The following RNF150 variants were observed in gnomAD, a reference collection of about 807,000 sequenced individuals.
The protein encoded by RNF150 is ring finger protein 150.
In RNF150, 24 loss-of-function variants were observed where a neutral mutation model predicts 39.3. That is an observed-to-expected ratio of 0.61 (90% CI 0.44 to 0.86). The LOEUF (loss-of-function observed/expected upper bound fraction) is 0.86. Among genes scored for constraint, RNF150 ranks in the 40% least tolerant of loss-of-function variants. The pLI is 0.00. For missense variants in RNF150, 502 were observed against 587.8 expected, an observed-to-expected ratio of 0.85 and a Z score of 1.51; for synonymous variants, 255 against 227.3, an observed-to-expected ratio of 1.12 and a Z score of -1.10.
rs114889527 is a variant in RNF150, at chr4:141,143,180, T to C, written c.-6+69614A>G. 2.4e-3 allele frequency among the ~76,000 whole-genome samples: 373 copies of C among 152,290 alleles called. 1 individual carries two copies. The highest frequency in any genetic ancestry group is 7.7e-3 in the African/African-American group (321 of 41,560). On this transcript the variant is annotated intron_variant, in intron 1 of 7. Coordinates refer to the RNF150 transcript ENST00000420921. ...CCACCGCGCCTGGTCAGGTATCTCATCTTTAAACTGATGATTCTTGAATTT... is the reference window on the plus strand; with the variant it reads ...CCACCGCGCCTGGTCAGGTATCTCACCTTTAAACTGATGATTCTTGAATTT...
At chr4:141,149,032 C>T (rs1441469555) in intron 1 of RNF150, among the ~76,000 whole-genome samples, 1 of 152,136 alleles carries the variant, frequency 6.6e-6, no homozygotes, top group Non-Finnish European at 1.5e-5. Context: ...TAACTTGAAG[C>T]TCACAGTGTG....
intron 1 of RNF150, among the ~76,000 whole-genome samples, chr4:141,056,723 C>T (rs191007304): frequency 2.0e-5 from 3 of 151,536 alleles, no homozygotes; most frequent in Non-Finnish European, 3.0e-5. Context: ...GAGGGAAAAA[C>T]GCCTCTTGTT....
At chr4:140,897,749 A>AT (rs1730016305) in intron 6 of RNF150, among the ~76,000 whole-genome samples, 1 of 151,994 alleles carries the variant, frequency 6.6e-6, no homozygotes, top group Non-Finnish European at 1.5e-5. Context: ...ATACAGTAAC[A>AT]TTTTTTTTGA....
chr4:141,203,891 G>C lies in RNF150; in HGVS notation c.-6+8903C>G, dbSNP rs80130528. Among the ~76,000 whole-genome samples the C allele has an allele frequency of 3.8e-3, 579 of 152,004 alleles. 7 individuals carry two copies. Among genetic ancestry groups the C allele is most frequent in the African/African-American group, 0.014 (562 of 41,422 alleles). ...GAAGAAAAAAAAAAGTTCTTCTCTAGACCTTCCCAGAGGGGTAATGTTTCT... is the reference window on the plus strand; with the variant it reads ...GAAGAAAAAAAAAAGTTCTTCTCTACACCTTCCCAGAGGGGTAATGTTTCT... On this transcript the variant is annotated intron_variant, in intron 1 of 7. Transcript: ENST00000420921.
chr4:140,896,954 C>G (rs1435311367), intron 6 of RNF150, among the ~76,000 whole-genome samples: 1 of 152,118 alleles, frequency 6.6e-6, no homozygotes, highest in Non-Finnish European at 1.5e-5. Context: ...AAACCTCCAT[C>G]AAGATCACAA....
chr4:141,173,647 C>T (rs182098639), intron 1 of RNF150, among the ~76,000 whole-genome samples: 139 of 152,258 alleles, frequency 9.1e-4, no homozygotes, highest in African/African-American at 3.2e-3. Flanking sequence ...TAGCTCATGG[C>T]CCCAGGAGAA....
At chr4:141,211,126 A>G (rs1728457654) in intron 1 of RNF150, among the ~76,000 whole-genome samples, 1 of 152,188 alleles carries the variant, frequency 6.6e-6, no homozygotes, top group Non-Finnish European at 1.5e-5. Context: ...TCCATCATTA[A>G]TTAGGTTTTC....
At chr4:141,052,760 C>T (rs1736825855) in intron 1 of RNF150, among the ~76,000 whole-genome samples, 1 of 152,114 alleles carries the variant, frequency 6.6e-6, no homozygotes, top group Admixed American at 6.6e-5. Context: ...AGTGCATTTC[C>T]CCTCTAAAAG....
intron 1 of RNF150, among the ~76,000 whole-genome samples, chr4:141,117,389 C>G (rs919062668): frequency 2.0e-5 from 3 of 152,052 alleles, no homozygotes; most frequent in Non-Finnish European, 4.4e-5. Flanking sequence ...TATGTTTAGA[C>G]ATGTTTATAT....
chr4:141,039,699 T>C (rs1736285911), intron 1 of RNF150, among the ~76,000 whole-genome samples: 1 of 152,128 alleles, frequency 6.6e-6, no homozygotes, highest in Non-Finnish European at 1.5e-5. Flanking sequence ...CTAGCTTAGC[T>C]AACTCTCAGC....
At chr4:141,085,932 T>C (rs1738345414) in intron 1 of RNF150, among the ~76,000 whole-genome samples, 1 of 151,558 alleles carries the variant, frequency 6.6e-6, no homozygotes, top group African/African-American at 2.4e-5. Flanking sequence ...TGGGAGGAGA[T>C]GAAAGAGAAG....
intron 1 of RNF150, among the ~76,000 whole-genome samples, chr4:141,013,805 C>A (rs1432603862): frequency 6.6e-6 from 1 of 152,116 alleles, no homozygotes; most frequent in Admixed American, 6.6e-5. Flanking sequence ...TTGAACATAT[C>A]CATTAACTTG....
chr4:141,027,579 T>G (rs995225083), intron 1 of RNF150, among the ~76,000 whole-genome samples: 2 of 152,196 alleles, frequency 1.3e-5, no homozygotes. Flanking sequence ...TATATAGCCA[T>G]GTGACTAAAT....
At chr4:141,148,191 G>T (rs970111892) in intron 1 of RNF150, among the ~76,000 whole-genome samples, 2 of 151,898 alleles carry the variant, frequency 1.3e-5, no homozygotes, top group African/African-American at 4.8e-5. Flanking sequence ...TGTATTTTTT[G>T]AAAATCTTTG....
chr4:141,082,711 C>G (rs1051820388), intron 1 of RNF150, among the ~76,000 whole-genome samples: 35 of 151,278 alleles, frequency 2.3e-4, no homozygotes, highest in Non-Finnish European at 4.4e-4. Flanking sequence ...GCCTCAGCCT[C>G]CCGAGTAGCT....
intron 1 of RNF150, among the ~76,000 whole-genome samples, chr4:141,198,041 T>C (rs1238531473): frequency 6.6e-6 from 1 of 151,666 alleles, no homozygotes; most frequent in Non-Finnish European, 1.5e-5. Context: ...TCCTTTTTTT[T>C]TTTTTTTGGA....
chr4:140,910,317 CCACT>C (rs1194204945), intron 6 of RNF150, among the ~76,000 whole-genome samples: 1 of 152,146 alleles, frequency 6.6e-6, no homozygotes, highest in African/African-American at 2.4e-5. Context: ...GTTGCAATAT[CCACT>C]CACTCTTTTA....
chr4:140,995,072 G>T (rs1299531492), intron 1 of RNF150, among the ~76,000 whole-genome samples: 1 of 152,010 alleles, frequency 6.6e-6, no homozygotes, highest in Non-Finnish European at 1.5e-5. Context: ...TCAATTACTA[G>T]AACTTATTCA....
intron 1 of RNF150, among the ~76,000 whole-genome samples, chr4:140,980,746 TA>T (rs984396502): frequency 1.3e-5 from 2 of 152,164 alleles, no homozygotes; most frequent in African/African-American, 4.8e-5. Context: ...CGCATGATTG[TA>T]AGTTTCCTGA....
Sources: allele counts gnomAD v4.1 joint callset (sites outside exome capture counted in the v4.1 genomes callset), GRCh38; gene constraint gnomAD v4.1.1; transcripts MANE v1.5; gene names NCBI Gene and HGNC (gene_info 2026-07-23, HGNC 2026-07-21).